ROR1: variants seen among roughly 807,000 people sequenced by gnomAD.
The protein encoded by ROR1 is ROR family WNT receptor 1.
ROR1 carries 19 observed loss-of-function variants against 78.8 expected under a neutral mutation model. The observed-to-expected ratio is 0.24, with a 90% CI of 0.17 to 0.35. The LOEUF (loss-of-function observed/expected upper bound fraction) is 0.35. ROR1 is among the 10% of genes least tolerant of loss of function. The pLI, the probability that ROR1 is intolerant of heterozygous loss-of-function variation, is 1.00. For synonymous variants in ROR1, 386 were observed against 433.6 expected, an observed-to-expected ratio of 0.89 and a Z score of 1.36; for missense variants, 917 against 1,177.8, an observed-to-expected ratio of 0.78 and a Z score of 3.24.
chr1:63,918,645 T>A (rs1645629029), intron 1 of ROR1, among the ~76,000 whole-genome samples: 4 of 152,198 alleles, frequency 2.6e-5, no homozygotes, highest in Admixed American at 2.6e-4. Context: ...TTTCTTTAAT[T>A]CCTTTTGTTT....
At position 64,118,632 on chromosome 1, in the gene ROR1, CAAAAAAAA is replaced by C. The variant is rs3084938; in HGVS notation, c.483-18715_483-18708del. The stretch of plus-strand genomic sequence containing the variant: ...TGAGCTACAGAGCGAGACTCCATCT[CAAAAAAAA>C]AAAAAAAAAAAAAAAAAAAAAGAAT... On this transcript the variant is annotated intron_variant, in intron 4 of 8. Transcript: ENST00000371079. 1.1e-4 allele frequency among the ~76,000 whole-genome samples: 7 copies of C among 65,850 alleles called. No homozygotes were observed. The Admixed American group carries it at 1.2e-3, about 11-fold the overall frequency. 43.2% of individuals were successfully genotyped at this position (65,850 alleles called of 152,430 possible). A position where few individuals can be genotyped will look rare whatever the true frequency, so the allele number is the denominator to read the frequency against.
At chr1:63,804,252 A>C (rs771110503) in intron 1 of ROR1, among the ~76,000 whole-genome samples, 1 of 152,128 alleles carries the variant, frequency 6.6e-6, no homozygotes, top group Non-Finnish European at 1.5e-5. Context: ...ATAAAATTGC[A>C]CAGAACGCAC....
At chr1:63,951,184 T>A (rs536636849) in intron 1 of ROR1, among the ~76,000 whole-genome samples, 2 of 151,832 alleles carry the variant, frequency 1.3e-5, no homozygotes, top group African/African-American at 4.8e-5. Flanking sequence ...AGAAGGGAGG[T>A]AAAGAGGACA....
intron 2 of ROR1, among the ~76,000 whole-genome samples, chr1:64,023,523 CT>C (rs1379433962): frequency 6.6e-6 from 1 of 151,716 alleles, no homozygotes; most frequent in Non-Finnish European, 1.5e-5. Flanking sequence ...AAATAATTTT[CT>C]TCCTTTAAAA....
intron 1 of ROR1, among the ~76,000 whole-genome samples, chr1:63,978,568 ATGT>A (rs1449896445): frequency 6.6e-6 from 1 of 152,214 alleles, no homozygotes; most frequent in African/African-American, 2.4e-5. Context: ...TAATTGTAAC[ATGT>A]TGTAGTTTTG....
chr1:63,932,830 G>C (rs1218646296), intron 1 of ROR1, among the ~76,000 whole-genome samples: 1 of 152,118 alleles, frequency 6.6e-6, no homozygotes, highest in Non-Finnish European at 1.5e-5. Flanking sequence ...AGCTTGCTTG[G>C]TATTCATTCC....
At chr1:63,826,281 C>G (rs1243180787) in intron 1 of ROR1, among the ~76,000 whole-genome samples, 1 of 151,968 alleles carries the variant, frequency 6.6e-6, no homozygotes, top group Non-Finnish European at 1.5e-5. Flanking sequence ...GTGTGTTGTT[C>G]CCCTCTATGT....
At chr1:63,927,490 G>A (rs1223577700) in intron 1 of ROR1, among the ~76,000 whole-genome samples, 1 of 149,816 alleles carries the variant, frequency 6.7e-6, no homozygotes, top group Admixed American at 6.7e-5. Flanking sequence ...TTGTGTCTCT[G>A]CCTGGCTTTG....
chr1:64,171,920 C>T (rs1028821670), intron 8 of ROR1, among the ~76,000 whole-genome samples: 1 of 152,192 alleles, frequency 6.6e-6, no homozygotes, highest in Non-Finnish European at 1.5e-5. Context: ...ATGGTAATCA[C>T]TTCCTTAAAG....
intron 4 of ROR1, among the ~76,000 whole-genome samples, chr1:64,071,343 A>G (rs1024387633): frequency 6.6e-6 from 1 of 152,174 alleles, no homozygotes; most frequent in Non-Finnish European, 1.5e-5. Context: ...AAGTTTTTGC[A>G]CTAGTCTAGA....
At chr1:63,967,779 G>C (rs951816471) in intron 1 of ROR1, among the ~76,000 whole-genome samples, 5 of 152,146 alleles carry the variant, frequency 3.3e-5, no homozygotes, top group Admixed American at 2.0e-4. Context: ...GAATTGGAGG[G>C]GGAGCTTGGA....
At chr1:63,789,811 CTTCAGTG>C (rs972910687) in intron 1 of ROR1, among the ~76,000 whole-genome samples, 27 of 150,914 alleles carry the variant, frequency 1.8e-4, no homozygotes, top group East Asian at 1.8e-3. Flanking sequence ...TCATGCATAT[CTTCAGTG>C]TTCAGCACAT....
chr1:64,012,687 G>T (rs948886058), intron 2 of ROR1, among the ~76,000 whole-genome samples: 1 of 152,080 alleles, frequency 6.6e-6, no homozygotes, highest in African/African-American at 2.4e-5. Flanking sequence ...CAAAACACAT[G>T]GAAAAGCTCA....
intron 4 of ROR1, chr1:64,094,448 G>A (rs1449821644): frequency 6.6e-6 from 1 of 152,212 alleles, no homozygotes; most frequent in Non-Finnish European, 1.5e-5. Context: ...GAGATCTTGT[G>A]ACAACTTACA....
At chr1:63,778,945 G>T (rs1207623539) in intron 1 of ROR1, among the ~76,000 whole-genome samples, 1 of 152,196 alleles carries the variant, frequency 6.6e-6, no homozygotes, top group Admixed American at 6.5e-5. Context: ...AACAAAGGTG[G>T]TATTTCCCAA....
chr1:64,104,533 C>T lies in ROR1; in HGVS notation c.483-32836C>T, dbSNP rs151220400. On this transcript the variant is annotated intron_variant, in intron 4 of 8. Coordinates refer to ENST00000371079, the MANE Select transcript of ROR1 (RefSeq NM_005012.4). Reference sequence around the variant, plus strand: ...AGTTCCGGGATACATGTATAGAACACGCAGATTTGTTACACAGGCATACAT... The same window carrying T: ...AGTTCCGGGATACATGTATAGAACATGCAGATTTGTTACACAGGCATACAT... Among the ~76,000 whole-genome samples the T allele has an allele frequency of 7.1e-3, 1,081 of 151,590 alleles. 10 individuals are homozygous for T. Among genetic ancestry groups the T allele is most frequent in the African/African-American group, 0.025 (1,015 of 41,290 alleles).
At chr1:63,927,533 T>C (rs1189033554) in intron 1 of ROR1, among the ~76,000 whole-genome samples, 3 of 134,900 alleles carry the variant, frequency 2.2e-5, no homozygotes, top group Non-Finnish European at 3.1e-5. Context: ...ATAAAATGAG[T>C]TAGAGAGGAT....
At chr1:63,975,132 A>G (rs1018689765) in intron 1 of ROR1, among the ~76,000 whole-genome samples, 5 of 152,174 alleles carry the variant, frequency 3.3e-5, no homozygotes, top group African/African-American at 1.2e-4. Context: ...GGCCCAACTT[A>G]CAGGTTTCAT....
chr1:63,894,748 C>T (rs539262777), intron 1 of ROR1, among the ~76,000 whole-genome samples: 96 of 152,244 alleles, frequency 6.3e-4, no homozygotes, highest in Non-Finnish European at 1.1e-3. Flanking sequence ...GTGAGAAAGA[C>T]GAAACTGGTA....
Sources: allele counts gnomAD v4.1 joint callset (sites outside exome capture counted in the v4.1 genomes callset), GRCh38; gene constraint gnomAD v4.1.1; transcripts MANE v1.5; gene names NCBI Gene and HGNC (gene_info 2026-07-23, HGNC 2026-07-21).